Variants in RTN4 observed in about 807,000 individuals in gnomAD.
The protein encoded by RTN4 is reticulon-4.
RTN4 carries 32 observed loss-of-function variants against 90.4 expected under a neutral mutation model. The observed-to-expected ratio is 0.35, with a 90% CI of 0.27 to 0.48. The LOEUF (loss-of-function observed/expected upper bound fraction) is 0.48, where lower values mean the gene tolerates loss of function less well. Ranked by LOEUF, RTN4 falls within the 20% of genes least tolerant of loss-of-function variation. The probability of loss-of-function intolerance (pLI) is 0.99; values close to 1 mark genes in which losing one functional copy is unlikely to be tolerated. For synonymous variants in RTN4, 629 were observed against 552.5 expected (o/e 1.14, Z -1.94); for missense variants, 1,706 against 1,430.2 (o/e 1.19, Z -3.11).
intron 1 of RTN4, among the ~76,000 whole-genome samples, chr2:55,095,337 C>G (rs1213163918): frequency 6.6e-6 from 1 of 151,484 alleles, no homozygotes; most frequent in Non-Finnish European, 1.5e-5. Flanking sequence ...AAAAAAAACA[C>G]AGACAAAAAA....
intron 1 of RTN4, among the ~76,000 whole-genome samples, chr2:55,103,042 C>T (rs544495528): frequency 1.0e-4 from 15 of 146,546 alleles, no homozygotes; most frequent in African/African-American, 3.8e-4. Context: ...CACTTGAACC[C>T]GGGAGGCGGA....
intron 1 of RTN4, among the ~76,000 whole-genome samples, chr2:55,105,229 T>TG (rs1290103475): frequency 1.5e-5 from 2 of 133,460 alleles, no homozygotes; most frequent in African/African-American, 6.4e-5. Flanking sequence ...CTATTGAAGT[T>TG]TTTTTTTTTT....
intron 1 of RTN4, among the ~76,000 whole-genome samples, chr2:55,099,432 G>A (rs563079111): frequency 2.6e-5 from 4 of 152,178 alleles, no homozygotes; most frequent in Non-Finnish European, 5.9e-5. Flanking sequence ...TGACCCTGTA[G>A]TCCTCAATAG....
At chr2:54,977,015 G>C (rs1011750897) in intron 5 of RTN4, among the ~76,000 whole-genome samples, 2 of 152,242 alleles carry the variant, frequency 1.3e-5, no homozygotes, top group Non-Finnish European at 2.9e-5. Flanking sequence ...AGGGCAATAA[G>C]AGAATTAAAT....
intron 1 of RTN4, among the ~76,000 whole-genome samples, chr2:55,048,650 G>A (rs898200398): frequency 1.3e-5 from 2 of 152,020 alleles, no homozygotes; most frequent in African/African-American, 2.4e-5. Flanking sequence ...GTCTGTCCTT[G>A]ACCTAAACGT....
chr2:55,032,829 C>T (rs1044465978), intron 1 of RTN4, among the ~76,000 whole-genome samples: 9 of 151,908 alleles, frequency 5.9e-5, no homozygotes, highest in African/African-American at 2.2e-4. Context: ...GGAGTTGGGA[C>T]ACCAGTTTGG....
chr2:55,037,831 A>G (rs1682796123), intron 1 of RTN4, among the ~76,000 whole-genome samples: 1 of 152,216 alleles, frequency 6.6e-6, no homozygotes, highest in Admixed American at 6.5e-5. Context: ...TAAGGGACCT[A>G]GAAGACACAA....
chr2:55,094,049 T>A (rs1210491648), intron 1 of RTN4, among the ~76,000 whole-genome samples: 1 of 152,202 alleles, frequency 6.6e-6, no homozygotes, highest in Admixed American at 6.5e-5. Context: ...ATGGTGTTTG[T>A]TATGGACTGA....
intron 2 of RTN4, among the ~76,000 whole-genome samples, chr2:55,078,037 GA>G (rs1265555925): frequency 6.6e-6 from 1 of 151,866 alleles, no homozygotes; most frequent in Admixed American, 6.6e-5. Context: ...GAAAGGGTGG[GA>G]GGGGGATGAG....
At chr2:55,018,418 A>G (rs1473444786) in intron 3 of RTN4, among the ~76,000 whole-genome samples, 1 of 152,216 alleles carries the variant, frequency 6.6e-6, no homozygotes, top group Non-Finnish European at 1.5e-5. Flanking sequence ...GAAAAAGAAA[A>G]AAGAACAAAC....
chr2:55,085,213 G>GAT (rs1010144953), intron 1 of RTN4, among the ~76,000 whole-genome samples: 23 of 152,144 alleles, frequency 1.5e-4, no homozygotes, highest in Admixed American at 4.6e-4. Flanking sequence ...CATAACAGGA[G>GAT]ATATATACAC....
chr2:55,021,394 C>CG (rs3217537), intron 3 of RTN4, among the ~76,000 whole-genome samples: 22,217 of 150,954 alleles, frequency 0.15, 2,096 homozygotes, highest in South Asian at 0.36. Flanking sequence ...TTTCCCTGCC[C>CG]CCCCCGCCAA....
chr2:55,086,898 G>A (rs116479542), intron 1 of RTN4, among the ~76,000 whole-genome samples: 82 of 149,644 alleles, frequency 5.5e-4, no homozygotes, highest in African/African-American at 1.6e-3. Context: ...GGCCTCAAGC[G>A]ATCCTTCTGC....
chr2:55,050,099 C>A lies in RTN4; in HGVS notation c.202G>T (p.Val68Leu). ...GCGCCGGCGGCAGGGGCGGTGGGCA[C>A]TGGGGCCGCGGACAGCCCGGCGGCG... Reference protein sequence around the residue: ...KPAAGLSAAPVPTAPAAGAPL... With the variant: ...KPAAGLSAAPLPTAPAAGAPL... Residue 68 changes from valine (V) to leucine (L), a missense_variant, in exon 1 of 9, where the codon GTG (valine) becomes TTG (leucine). Val to Leu is a conservative substitution (Grantham distance 32, BLOSUM62 1). Transcript: ENST00000337526. The surrounding 1 kb of genome is among the most constrained non-coding windows in gnomAD (Gnocchi z 4.6). 6.7e-7 allele frequency: 1 copy of A among 1,490,936 alleles called. No homozygotes were observed. The highest frequency in any genetic ancestry group is 8.9e-7 in the Non-Finnish European group (1 of 1,125,340). 92.4% of individuals were successfully genotyped at this position (1,490,936 alleles called of 1,614,324 possible).
chr2:55,028,167 C>A lies in RTN4; in HGVS notation c.610G>T (p.Ala204Ser). The stretch of plus-strand genomic sequence containing the variant: ...AAGGCTGGCAGAAAGAACTTGCCTG[C>A]AGAGGAGCGTATCACAGGCTCAGAT... Reference protein sequence around the residue: ...AASEPVIRSSAENMDLKEQPG... With the variant: ...AASEPVIRSSSENMDLKEQPG... The change falls in exon 2 of 9, where the codon GCA (alanine) becomes TCA (serine). Residue 204 changes from alanine to serine, a missense_variant. By Grantham distance (99) the Ala-to-Ser change is moderately conservative. Transcript: ENST00000337526. The A allele has an allele frequency of 6.2e-7, 1 of 1,612,186 alleles. No individual in the cohort carries two copies. Among genetic ancestry groups the A allele is most frequent in the Non-Finnish European group, 8.5e-7 (1 of 1,179,126 alleles).
chr2:55,066,023 A>T (rs1308924482), intron 2 of RTN4, among the ~76,000 whole-genome samples: 1 of 152,262 alleles, frequency 6.6e-6, no homozygotes, highest in African/African-American at 2.4e-5. Context: ...ATTTCTTTTA[A>T]ATTCAATAGT....
intron 5 of RTN4, among the ~76,000 whole-genome samples, chr2:54,981,281 TTG>T (rs796755532): frequency 0.022 from 3,346 of 149,962 alleles, 68 homozygotes; most frequent in South Asian, 0.032. Flanking sequence ...TAAAATGTTT[TTG>T]TTTTTTTTTT....
At chr2:55,016,607 A>G (rs1681061490) in intron 3 of RTN4, among the ~76,000 whole-genome samples, 1 of 152,054 alleles carries the variant, frequency 6.6e-6, no homozygotes, top group Non-Finnish European at 1.5e-5. Flanking sequence ...AACAAAACAC[A>G]TGTGCATTGA....
At chr2:55,091,806 G>A (rs922265532) in intron 1 of RTN4, among the ~76,000 whole-genome samples, 4 of 151,230 alleles carry the variant, frequency 2.6e-5, no homozygotes, top group African/African-American at 9.8e-5. Context: ...AATCATGGCA[G>A]GAGGTAAAAG....
Sources: gnomAD v4.1 joint callset for allele counts (sites outside exome capture counted in the v4.1 genomes callset) on GRCh38, gnomAD v4.1.1 for gene constraint, Gnocchi (gnomAD v3.1) non-coding constraint, MANE v1.5 for transcripts, NCBI Gene and HGNC (gene_info 2026-07-23, HGNC 2026-07-21) for gene names.